Variants in CD163 observed in about 807,000 individuals in gnomAD.
The protein encoded by CD163 is CD163 molecule, also known as scavenger receptor cysteine-rich type 1 protein M130.
A neutral mutation model predicts 129.2 loss-of-function variants in CD163; 64 were observed. The observed-to-expected ratio is 0.50, with a 90% confidence interval of 0.41 to 0.61. CD163 has a LOEUF of 0.61. Ranked by LOEUF, CD163 falls within the 20% of genes least tolerant of loss-of-function variation. CD163 has a pLI of 0.00. For synonymous variants in CD163, 446 were observed against 478.5 expected, an observed-to-expected ratio of 0.93 and a Z score of 0.89; for missense variants, 1,061 against 1,377.9, an observed-to-expected ratio of 0.77 and a Z score of 3.64.
chr12:7,498,901 C>G lies in CD163; in HGVS notation c.745G>C (p.Asp249His), dbSNP rs1247067786. The G allele has an allele frequency of 6.2e-7, 1 of 1,614,060 alleles. No individual in the cohort carries two copies. The highest frequency in any genetic ancestry group is 8.5e-7 in the Non-Finnish European group (1 of 1,179,968). The change falls in exon 4 of 17, where the codon GAT becomes CAT. Residue 249 changes from aspartate to histidine, a missense_variant. Asp to His is a moderately conservative substitution (Grantham distance 81, BLOSUM62 -1). Coordinates refer to ENST00000432237, the MANE Select transcript of CD163 (RefSeq NM_203416.4). ...ATCACTCCAGCATCCTCAGCATGATCACAGTTATGCTTTCCCCATCCTTGA... is the reference window on the plus strand; with the variant it reads ...ATCACTCCAGCATCCTCAGCATGATGACAGTTATGCTTTCCCCATCCTTGA... ...KHQGWGKHNC[D>H]HAEDAGVICS...
rs201254932 is a variant in CD163 at position 7,482,796 on chromosome 12, T to A, written c.3128-34A>T. 22 of 1,611,164 alleles carry A rather than the reference T, an allele frequency of 1.4e-5. No individual in the cohort carries two copies. The South Asian group carries it at 2.1e-4, about 15-fold the overall frequency. The stretch of plus-strand genomic sequence containing the variant: ...AAGTAAATATCAAGAGATATGATCA[T>A]GTCTTATCGAAAAGATCAAGGTCCC... On this transcript the variant is annotated intron_variant, in intron 13 of 16. Coordinates refer to ENST00000432237, the MANE Select transcript of CD163 (RefSeq NM_203416.4).
chr12:7,487,314 C>G lies in CD163; in HGVS notation c.2050+45G>C. 1 of 1,522,030 alleles carries G rather than the reference C, an allele frequency of 6.6e-7. No individual in the cohort carries two copies. The highest frequency in any genetic ancestry group is 8.8e-7 in the Non-Finnish European group (1 of 1,137,598). 94.3% of individuals were successfully genotyped at this position (1,522,030 alleles called of 1,614,324 possible). A position where few individuals can be genotyped will look rare whatever the true frequency, so the allele number is the denominator to read the frequency against. On this transcript the variant is annotated intron_variant, in intron 8 of 16. Coordinates refer to ENST00000432237, the MANE Select transcript of CD163 (RefSeq NM_203416.4). The surrounding 1 kb of genome is among the most constrained non-coding windows in gnomAD (Gnocchi z 5.1). Reference sequence around the variant, plus strand: ...TACTTTTGTTCTTCATCCCTATGTACACCTTCTCTTAAGACCCATCACTGG... The same window carrying G: ...TACTTTTGTTCTTCATCCCTATGTAGACCTTCTCTTAAGACCCATCACTGG...
At chr12:7,493,627 C>T (rs1412257181) in intron 6 of CD163, among the ~76,000 whole-genome samples, 1 of 151,858 alleles carries the variant, frequency 6.6e-6, no homozygotes, top group African/African-American at 2.4e-5. Flanking sequence ...AATATACAAA[C>T]CATTATAAAT....
Position 7,487,304 on chromosome 12 carries a change from T to C in CD163, c.2050+55A>G. On this transcript the variant is annotated intron_variant, in intron 8 of 16. Transcript: ENST00000432237. This position sits in a 1 kb window ranked among gnomAD's most constrained non-coding sequence, Gnocchi z 5.1. ...CACTGCGTTTTACTTTTGTTCTTCA[T>C]CCCTATGTACACCTTCTCTTAAGAC... 2.0e-6 allele frequency: 3 copies of C among 1,506,834 alleles called. No homozygotes were observed. Among genetic ancestry groups the C allele is most frequent in the Non-Finnish European group, 2.7e-6 (3 of 1,128,352 alleles). The allele number at this position is 1,506,834 out of a possible 1,614,324, so 93.3% of individuals were successfully genotyped here.
In CD163 at chr12:7,501,098, C is replaced by T. The variant is rs755139857; in HGVS notation, c.457+41G>A. On this transcript the variant is annotated intron_variant, in intron 3 of 16. Transcript: ENST00000432237. The stretch of plus-strand genomic sequence containing the variant: ...ACCCATCTACATATTTTTTTCCCAC[C>T]AAGGATTTTGTGTTGAGGCTTTGAC... 21 of 1,566,644 alleles carry T rather than the reference C, an allele frequency of 1.3e-5. No individual in the cohort carries two copies. The East Asian group carries it at 3.6e-4, about 27-fold the overall frequency.
Position 7,496,921 on chromosome 12 carries a change from C to T in CD163, c.991G>A (p.Asp331Asn). 1 of 1,614,084 alleles carries T rather than the reference C, an allele frequency of 6.2e-7. No homozygotes were observed. Residue 331 changes from aspartate (D) to asparagine (N), a missense_variant, in exon 5 of 17, where the codon GAC becomes AAC. Coordinates refer to ENST00000432237, the MANE Select transcript of CD163 (RefSeq NM_203416.4). The surrounding 1 kb of genome is among the most constrained non-coding windows in gnomAD (Gnocchi z 4.8). Reference protein sequence around the residue: ...ASKGFGHIWLDSVSCQGHEPA... With the variant: ...ASKGFGHIWLNSVSCQGHEPA... ...TCATGTCCCTGGCAAGAAACGCTGT[C>T]AAGCCAGATGTGTCCAAATCCCTTA...
intron 6 of CD163, among the ~76,000 whole-genome samples, chr12:7,488,730 TTTTTTC>T: frequency 6.6e-6 from 1 of 152,320 alleles, no homozygotes; most frequent in East Asian, 1.9e-4. Flanking sequence ...TCATCCATAC[TTTTTTC>T]TTTAATTTTA....
intron 4 of CD163, 74 bp from the exon 5 acceptor site, chr12:7,497,207 T>C (rs1949415311): frequency 3.2e-6 from 4 of 1,231,780 alleles, no homozygotes; most frequent in East Asian, 2.3e-5. Context: ...ATACCTGAGA[T>C]GAGTTAAGGA....
rs150961346 is a variant in CD163, at chr12:7,491,407, T to C, written c.1421-3320A>G. On this transcript the variant is annotated intron_variant, in intron 6 of 16. Coordinates refer to ENST00000432237, the MANE Select transcript of CD163 (RefSeq NM_203416.4). ...TTAGACATGGATAGAATATTGGAAATGTATCCCTTTAATGGATTTTTTTCT... is the reference window on the plus strand; with the variant it reads ...TTAGACATGGATAGAATATTGGAAACGTATCCCTTTAATGGATTTTTTTCT... Among the ~76,000 whole-genome samples the C allele has an allele frequency of 5.3e-3, 804 of 152,176 alleles. 7 individuals carry two copies. Among genetic ancestry groups the C allele is most frequent in the African/African-American group, 0.019 (779 of 41,566 alleles).
Position 7,486,577 on chromosome 12 carries a change from G to C in CD163, c.2380C>G (p.Arg794Gly), listed in dbSNP as rs756517724. The change falls in exon 10 of 17, where the codon CGC (arginine) becomes GGC (glycine). Residue 794 changes from arginine (R) to glycine (G), a missense_variant. Physicochemically the swap from Arg to Gly is moderately radical, Grantham distance 125 (BLOSUM62 -2). Transcript: ENST00000432237. The stretch of plus-strand genomic sequence containing the variant: ...CCGTGTGAATGGCACTGCCAAATGC[G>C]GGATTCTTTTCCATTGCATTTCATC... ...DEMKCNGKES[R>G]IWQCHSHGWG... 4.3e-6 allele frequency: 7 copies of C among 1,614,028 alleles called. No individual in the cohort carries two copies. The African/African-American group carries it at 9.3e-5, about 22-fold the overall frequency.
chr12:7,495,733 A>G (rs148633999), intron 5 of CD163, among the ~76,000 whole-genome samples: 229 of 152,302 alleles, frequency 1.5e-3, no homozygotes, highest in African/African-American at 5.1e-3. Flanking sequence ...ATAGCTTATC[A>G]ACAATGGTCA....
rs779555857 is a variant in CD163 at position 7,487,413 on chromosome 12, C to T, written c.1996G>A (p.Ala666Thr). The T allele has an allele frequency of 9.8e-5, 158 of 1,612,040 alleles. 1 individual carries two copies. Among genetic ancestry groups the T allele is most frequent in the Non-Finnish European group, 1.6e-5 (19 of 1,179,080 alleles). ...GAAGGACATAATGAAGCACCTAGAGCAGTTACAGGACAATCTCCCATGTGC... is the reference window on the plus strand; with the variant it reads ...GAAGGACATAATGAAGCACCTAGAGTAGTTACAGGACAATCTCCCATGTGC... ...EQHMGDCPVTALGASLCPSEQ... is the reference protein window; with the variant it reads ...EQHMGDCPVTTLGASLCPSEQ... The change falls in exon 8 of 17, where the codon GCT (alanine) becomes ACT (threonine). Residue 666 changes from alanine (A) to threonine (T), a missense_variant. Transcript: ENST00000432237. The surrounding 1 kb of genome is among the most constrained non-coding windows in gnomAD (Gnocchi z 5.1).
chr12:7,480,873 T>G, intron 15 of CD163: 1 of 1,042,886 alleles, frequency 9.6e-7, no homozygotes, highest in Non-Finnish European at 1.2e-6. Context: ...GTAAGATTAA[T>G]TTCTGTTTTA....
At position 7,485,249 on chromosome 12, in the gene CD163, T is replaced by A; in HGVS notation, c.2626A>T (p.Asn876Tyr). The A allele has an allele frequency of 1.9e-6, 3 of 1,614,204 alleles. No individual in the cohort carries two copies. The highest frequency in any genetic ancestry group is 2.5e-6 in the Non-Finnish European group (3 of 1,180,030). The part of the protein sequence containing the change: ...QLGCADKGKI[N>Y]PASLDKAMSI... The stretch of plus-strand genomic sequence containing the variant: ...ATGGCCTTGTCTAAAGATGCAGGGT[T>A]GATTTTCCCTTTGTCTGCACAGCCC... The change falls in exon 11 of 17, where the codon AAC becomes TAC. Residue 876 changes from asparagine (N) to tyrosine (Y), a missense_variant. Asn to Tyr is a moderately radical substitution (Grantham distance 143). Transcript: ENST00000432237. The surrounding 1 kb of genome is among the most constrained non-coding windows in gnomAD (Gnocchi z 4.5).
chr12:7,501,260 G>A lies in CD163; in HGVS notation c.336C>T (p.Arg112=), dbSNP rs1409570057. The A allele has an allele frequency of 6.2e-7, 1 of 1,614,108 alleles. No individual in the cohort carries two copies. Among genetic ancestry groups the A allele is most frequent in the Admixed American group, 1.7e-5 (1 of 60,002 alleles). ...GWANSSAGSG[R]IWMDHVSCRG... is the part of the protein sequence containing the mutation. ...GACAAGAAACATGATCCATCCAAATGCGTCCAGAACCTGCACTGGAATTAG... is the reference window on the plus strand; with the variant it reads ...GACAAGAAACATGATCCATCCAAATACGTCCAGAACCTGCACTGGAATTAG... Residue 112 remains arginine (R), a synonymous_variant, in exon 3 of 17, where the codon CGC becomes CGT. Coordinates refer to ENST00000432237, the MANE Select transcript of CD163 (RefSeq NM_203416.4).
chr12:7,498,002 T>C (rs1246640446), intron 4 of CD163, among the ~76,000 whole-genome samples: 1 of 152,184 alleles, frequency 6.6e-6, no homozygotes, highest in Non-Finnish European at 1.5e-5. Context: ...AGAACCCAGA[T>C]GACATTGTTC....
Position 7,495,278 on chromosome 12 carries a change from T to C in CD163, c.1223A>G (p.Asp408Gly). Residue 408 changes from aspartate (D) to glycine (G), a missense_variant, in exon 6 of 17, where the codon GAT becomes GGT. Transcript: ENST00000432237. ...CDRGWGLKEA[D>G]VVCRQLGCGS... is the part of the protein sequence containing the mutation. Reference sequence around the variant, plus strand: ...ACATCCCAGCTGCCTGCAAACCACATCAGCTTCTTTCAGTCCCCAGCCTCT... The same window carrying C: ...ACATCCCAGCTGCCTGCAAACCACACCAGCTTCTTTCAGTCCCCAGCCTCT... 1 of 1,614,096 alleles carries C rather than the reference T, an allele frequency of 6.2e-7. No individual in the cohort carries two copies. The highest frequency in any genetic ancestry group is 1.6e-4 in the Middle Eastern group (1 of 6,062).
At position 7,487,330 on chromosome 12, in the gene CD163, C is replaced by A. The variant is rs1490881449; in HGVS notation, c.2050+29G>T. The A allele has an allele frequency of 6.5e-7, 1 of 1,541,488 alleles. No homozygotes were observed. The highest frequency in any genetic ancestry group is 8.7e-7 in the Non-Finnish European group (1 of 1,147,362). ...CCCTATGTACACCTTCTCTTAAGAC[C>A]CATCACTGGCTGCCCGTCATCCTCT... On this transcript the variant is annotated intron_variant, in intron 8 of 16. Transcript: ENST00000432237. The surrounding 1 kb of genome is among the most constrained non-coding windows in gnomAD (Gnocchi z 5.1).
intron 6 of CD163, 115 bp from the exon 7 acceptor site, chr12:7,488,202 T>G (rs865776018): frequency 6.4e-6 from 7 of 1,099,592 alleles, no homozygotes; most frequent in Middle Eastern, 4.6e-4. Context: ...GCTCAGTGAT[T>G]TCCTACACTT....
Sources: allele counts gnomAD v4.1 joint callset (sites outside exome capture counted in the v4.1 genomes callset), GRCh38; gene constraint gnomAD v4.1.1; non-coding constraint Gnocchi (gnomAD v3.1); transcripts MANE v1.5; gene names NCBI Gene and HGNC (gene_info 2026-07-23, HGNC 2026-07-21).